Variants in APAF1 observed in about 807,000 individuals in gnomAD.
APAF1 encodes the protein apoptotic protease-activating factor 1.
Under a neutral mutation model 152.4 loss-of-function variants are expected in APAF1, and 91 were observed. That is an observed-to-expected ratio of 0.60 (90% CI 0.50 to 0.71). The LOEUF is 0.71. APAF1 is among the 30% of genes least tolerant of loss of function. APAF1 has a pLI of 0.00. For synonymous variants in APAF1, 484 were observed against 494.1 expected (o/e 0.98, Z 0.27); for missense variants, 1,283 against 1,472.0 (o/e 0.87, Z 2.10).
chr12:98,719,021 C>G (rs2097738351), intron 22 of APAF1, among the ~76,000 whole-genome samples: 1 of 152,170 alleles, frequency 6.6e-6, no homozygotes, highest in South Asian at 2.1e-4. Context: ...CCTTTGATGC[C>G]CTTATCCTCG....
intron 4 of APAF1, among the ~76,000 whole-genome samples, chr12:98,657,130 A>C (rs1157513883): frequency 1.3e-5 from 2 of 152,138 alleles, no homozygotes; most frequent in East Asian, 3.8e-4. Context: ...GAACTACAGC[A>C]CTTTTGAAAT....
chr12:98,689,880 T>C (rs1207734901), intron 16 of APAF1, among the ~76,000 whole-genome samples: 1 of 152,226 alleles, frequency 6.6e-6, no homozygotes, highest in African/African-American at 2.4e-5. Context: ...CACTTATAAA[T>C]GTGTTGTACT....
rs1450398022 is a variant in APAF1 at position 98,735,142 on chromosome 12, G to A, written c.*2576G>A. ...AGAAAGAAGAGATACCTAGTATGAT[G>A]GAGCTGCAAATTTCATGGCAGTTCA... On this transcript the variant is annotated 3_prime_UTR_variant, in exon 27 of 27. Transcript: ENST00000551964. 3 of 398,646 alleles carry A rather than the reference G, an allele frequency of 7.5e-6. No individual in the cohort carries two copies. The highest frequency in any genetic ancestry group is 1.3e-5 in the Non-Finnish European group (3 of 226,180). 24.7% of individuals were successfully genotyped at this position (398,646 alleles called of 1,614,324 possible).
chr12:98,712,466 G>T (rs1252194262), intron 21 of APAF1, 31 bp downstream of exon 21: 1 of 1,197,664 alleles, frequency 8.3e-7, no homozygotes, highest in African/African-American at 1.5e-5. Context: ...GAATCTTTCT[G>T]TACAGAATTA....
At chr12:98,666,429 C>T in intron 9 of APAF1, 72 bp downstream of exon 9, 1 of 1,450,486 alleles carries the variant, frequency 6.9e-7, no homozygotes, top group Non-Finnish European at 9.5e-7. Flanking sequence ...TGAAAATTTA[C>T]AAAATAGTAG....
Position 98,710,727 on chromosome 12 carries a change from A to C in APAF1, c.2842-1592A>C, listed in dbSNP as rs555410006. Among the ~76,000 whole-genome samples, 279 of 152,312 alleles carry C rather than the reference A, an allele frequency of 1.8e-3. 1 individual carries two copies. Among genetic ancestry groups the C allele is most frequent in the African/African-American group, 6.4e-3 (268 of 41,562 alleles). On this transcript the variant is annotated intron_variant, in intron 20 of 26. Coordinates refer to ENST00000551964, the MANE Select transcript of APAF1 (RefSeq NM_181861.2). ...GCAAGAGCTGCCATGCCCCACTCAA[A>C]CCTTAACAAGTTGTAAAGCTGTAGA...
intron 26 of APAF1, among the ~76,000 whole-genome samples, chr12:98,728,689 C>T (rs963687487): frequency 3.3e-5 from 5 of 152,172 alleles, no homozygotes; most frequent in Non-Finnish European, 7.3e-5. Flanking sequence ...CACCACTGTA[C>T]TCCAGCCTGG....
Position 98,703,440 on chromosome 12 carries a change from T to G in APAF1, c.2536T>G (p.Cys846Gly). The G allele has an allele frequency of 6.2e-7, 1 of 1,614,182 alleles. No homozygotes were observed. ...HTGHHSTIQY[C>G]DFSPQNHLAV... ...GGGCCATCACAGCACCATCCAGTAC[T>G]GTGACTTCTCCCCACAAAACCATTT... Residue 846 changes from cysteine (C) to glycine (G), a missense_variant, in exon 18 of 27, where the codon TGT (cysteine) becomes GGT (glycine). Coordinates refer to ENST00000551964, the MANE Select transcript of APAF1 (RefSeq NM_181861.2).
intron 19 of APAF1, 48 bp downstream of exon 19, chr12:98,706,658 T>C: frequency 1.2e-6 from 2 of 1,608,802 alleles, no homozygotes; most frequent in Non-Finnish European, 1.7e-6. Flanking sequence ...GATGGTGAGC[T>C]AAACCTCCTA....
intron 15 of APAF1, 42 bp downstream of exon 15, chr12:98,683,316 G>T (rs775344183): frequency 6.3e-7 from 1 of 1,588,100 alleles, no homozygotes. Flanking sequence ...AATTTGATTC[G>T]TACATCAGAG....
At chr12:98,703,249 T>TA in intron 17 of APAF1, 122 bp from the exon 18 acceptor site, 1 of 1,040,920 alleles carries the variant, frequency 9.6e-7, no homozygotes, top group South Asian at 1.3e-5. Flanking sequence ...TGTCAATAAT[T>TA]ATGCCAGTTA....
intron 7 of APAF1, among the ~76,000 whole-genome samples, chr12:98,663,732 C>G (rs953013025): frequency 1.3e-5 from 2 of 151,616 alleles, no homozygotes; most frequent in Non-Finnish European, 2.9e-5. Flanking sequence ...GATCTCGGCT[C>G]ACTGCAACTT....
In APAF1 at chr12:98,699,580, T is replaced by C. The variant is rs1251142031; in HGVS notation, c.2466+11T>C. 6.2e-7 allele frequency: 1 copy of C among 1,613,848 alleles called. No individual in the cohort carries two copies. Among genetic ancestry groups the C allele is most frequent in the East Asian group, 2.2e-5 (1 of 44,882 alleles). ...AAAAATAAAATCTTTGTAAGTACTT[T>C]AAAAAGCCAACTTCAGTCTGATTTA... On this transcript the variant is annotated intron_variant, in intron 17 of 26. Coordinates refer to ENST00000551964, the MANE Select transcript of APAF1 (RefSeq NM_181861.2).
chr12:98,724,763 T>C (rs2097747990), intron 24 of APAF1, among the ~76,000 whole-genome samples: 2 of 152,232 alleles, frequency 1.3e-5, no homozygotes, highest in Admixed American at 1.3e-4. Flanking sequence ...CTATAAACTT[T>C]TCAAGGATAG....
intron 5 of APAF1, among the ~76,000 whole-genome samples, chr12:98,661,411 C>T (rs139345050): frequency 6.8e-4 from 103 of 152,270 alleles, no homozygotes; most frequent in African/African-American, 2.4e-3. Flanking sequence ...CTCTCAGTCT[C>T]ATTTGGTTTG....
rs1397034513 is a variant in APAF1 at position 98,732,487 on chromosome 12, T to C, written c.3668T>C (p.Ile1223Thr). 4 of 1,603,818 alleles carry C rather than the reference T, an allele frequency of 2.5e-6. No individual in the cohort carries two copies. Among genetic ancestry groups the C allele is most frequent in the Admixed American group, 1.7e-5 (1 of 59,982 alleles). ...FYTNGTNLKK[I>T]HVSPDFKTYV... The stretch of plus-strand genomic sequence containing the variant: ...ACAAATGGAACCAATCTTAAGAAAA[T>C]ACACGTGTCCCCTGACTTCAAAACA... The change falls in exon 27 of 27, where the codon ATA becomes ACA. Residue 1223 changes from isoleucine (I) to threonine (T), a missense_variant. Physicochemically the swap from Ile to Thr is moderately conservative, Grantham distance 89. Coordinates refer to ENST00000551964, the MANE Select transcript of APAF1 (RefSeq NM_181861.2).
At chr12:98,685,579 C>T (rs1349849679) in intron 15 of APAF1, among the ~76,000 whole-genome samples, 1 of 152,132 alleles carries the variant, frequency 6.6e-6, no homozygotes, top group Non-Finnish European at 1.5e-5. Flanking sequence ...TTGTGATCGC[C>T]TGCCTCAGCC....
chr12:98,667,960 A>G (rs1192640495), intron 10 of APAF1, among the ~76,000 whole-genome samples: 1 of 151,608 alleles, frequency 6.6e-6, no homozygotes, highest in Non-Finnish European at 1.5e-5. Flanking sequence ...TTTGGTGGAG[A>G]TGGGGTTTCA....
In APAF1 at chr12:98,659,479, C is replaced by T; in HGVS notation, c.710+136C>T. The T allele has an allele frequency of 5.2e-6, 5 of 957,408 alleles. No homozygotes were observed. In the South Asian group the frequency reaches 5.5e-5, roughly 10 times the overall value. The allele number at this position is 957,408 out of a possible 1,614,324, so 59.3% of individuals were successfully genotyped here. On this transcript the variant is annotated intron_variant, in intron 5 of 26. Transcript: ENST00000551964. ...AAGAGAGAACCATTGCGGCCAGGTG[C>T]AGTGGCTCACGCCTGTAATCCCAGC...
Sources: gnomAD v4.1 joint callset for allele counts (sites outside exome capture counted in the v4.1 genomes callset) on GRCh38, gnomAD v4.1.1 for gene constraint, MANE v1.5 for transcripts, NCBI Gene and HGNC (gene_info 2026-07-23, HGNC 2026-07-21) for gene names.